Variants in EPHA7 observed in about 807,000 individuals in gnomAD.
EPHA7 encodes the protein ephrin type-A receptor 7.
EPHA7 carries 25 observed loss-of-function variants against 112.6 expected under a neutral mutation model. That is an observed-to-expected ratio of 0.22 (90% CI 0.16 to 0.31). The LOEUF (loss-of-function observed/expected upper bound fraction) is 0.31. Among genes scored for constraint, EPHA7 ranks in the 10% least tolerant of loss-of-function variants. EPHA7 has a pLI of 1.00. For synonymous variants in EPHA7, 437 were observed against 406.5 expected (o/e 1.07, Z -0.90); for missense variants, 962 against 1,212.6 (o/e 0.79, Z 3.07).
At chr6:93,300,708 T>A (rs534704879) in intron 5 of EPHA7, among the ~76,000 whole-genome samples, 1 of 152,332 alleles carries the variant, frequency 6.6e-6, no homozygotes, top group African/African-American at 2.4e-5. Flanking sequence ...ATATGTTAGA[T>A]AACATAAGGG....
Position 93,242,954 on chromosome 6 carries a change from AG to A in EPHA7, c.*471del, listed in dbSNP as rs1769748742. ...CAGATTTAACACTAAAAAGGTCCAA[AG>A]CTATAAACAGCTTTCTAAAACAAAG... On this transcript the variant is annotated 3_prime_UTR_variant, in exon 17 of 17. Transcript: ENST00000369303. 4.6e-6 allele frequency: 1 copy of A among 218,980 alleles called. No individual in the cohort carries two copies. Among genetic ancestry groups the A allele is most frequent in the East Asian group, 6.8e-5 (1 of 14,626 alleles). The allele number at this position is 218,980 out of a possible 1,614,324, so 13.6% of individuals were successfully genotyped here. A position where few individuals can be genotyped will look rare whatever the true frequency, so the allele number is the denominator to read the frequency against.
chr6:93,260,473 T>G lies in EPHA7; in HGVS notation c.1799-994A>C, dbSNP rs1160227323. On this transcript the variant is annotated intron_variant, in intron 9 of 16. Transcript: ENST00000369303. ...TATATTAATGCAATAAAAATTACAC[T>G]ATATCCTCAAAAAAACTTTATTGTT... 4 of 895,860 alleles carry G rather than the reference T, an allele frequency of 4.5e-6. No individual in the cohort carries two copies. The African/African-American group carries it at 7.2e-5, about 16-fold the overall frequency. The allele number at this position is 895,860 out of a possible 1,614,324, so 55.5% of individuals were successfully genotyped here.
At chr6:93,344,060 T>C (rs886813081) in intron 5 of EPHA7, among the ~76,000 whole-genome samples, 2 of 151,684 alleles carry the variant, frequency 1.3e-5, no homozygotes. Flanking sequence ...GGCAAGTACA[T>C]GATATGGGAC....
intron 5 of EPHA7, among the ~76,000 whole-genome samples, chr6:93,310,469 AGCCT>A (rs1481569521): frequency 6.6e-6 from 1 of 152,164 alleles, no homozygotes; most frequent in Non-Finnish European, 1.5e-5. Flanking sequence ...GTTCAAGACC[AGCCT>A]GGCCAAGATG....
rs115840717 is a variant in EPHA7, at chr6:93,368,292, T to C, written c.833-9881A>G. The stretch of plus-strand genomic sequence containing the variant: ...CTCCTATTTCAGAGGTGACTATAAA[T>C]TCTGAAGTCACCTTTCCTGCCAAAG... On this transcript the variant is annotated intron_variant, in intron 3 of 16. Coordinates refer to ENST00000369303, the MANE Select transcript of EPHA7 (RefSeq NM_004440.4). Among the ~76,000 whole-genome samples, 1,241 of 152,260 alleles carry C rather than the reference T, an allele frequency of 8.2e-3. 27 individuals carry two copies. Among genetic ancestry groups the C allele is most frequent in the African/African-American group, 0.028 (1,150 of 41,568 alleles).
chr6:93,414,561 T>C (rs1019958582), intron 2 of EPHA7, 142 bp downstream of exon 2: 10 of 691,612 alleles, frequency 1.4e-5, no homozygotes, highest in Non-Finnish European at 2.2e-5. Flanking sequence ...AATGTCTCAT[T>C]ATAAATGCAA....
chr6:93,337,594 A>G (rs548429323), intron 5 of EPHA7, among the ~76,000 whole-genome samples: 1 of 152,270 alleles, frequency 6.6e-6, no homozygotes, highest in African/African-American at 2.4e-5. Context: ...CATATTCAGT[A>G]GATAATTGAG....
At chr6:93,343,271 T>C (rs954862504) in intron 5 of EPHA7, among the ~76,000 whole-genome samples, 1 of 151,696 alleles carries the variant, frequency 6.6e-6, no homozygotes, top group South Asian at 2.1e-4. Context: ...ATTTAAATAA[T>C]AACTGCAGAT....
chr6:93,244,747 T>G (rs1769870244), intron 16 of EPHA7, among the ~76,000 whole-genome samples: 1 of 152,178 alleles, frequency 6.6e-6, no homozygotes, highest in African/African-American at 2.4e-5. Context: ...TAAGCTATGG[T>G]TAACTGAATT....
At chr6:93,368,812 T>C (rs916216000) in intron 3 of EPHA7, among the ~76,000 whole-genome samples, 1 of 152,168 alleles carries the variant, frequency 6.6e-6, no homozygotes, top group Middle Eastern at 3.2e-3. Context: ...TCGTTCTAGC[T>C]GTTTGGTGAA....
chr6:93,251,704 C>G (rs1433450233), intron 14 of EPHA7, among the ~76,000 whole-genome samples: 1 of 151,794 alleles, frequency 6.6e-6, no homozygotes, highest in East Asian at 1.9e-4. Context: ...ATATAAAATT[C>G]AGTTAAAAGA....
chr6:93,289,449 C>A (rs1772239802), intron 5 of EPHA7, among the ~76,000 whole-genome samples: 1 of 151,028 alleles, frequency 6.6e-6, no homozygotes, highest in Non-Finnish European at 1.5e-5. Flanking sequence ...GAAATCCCGT[C>A]TCTACTAAAA....
At chr6:93,287,898 A>G (rs1281774446) in intron 5 of EPHA7, among the ~76,000 whole-genome samples, 2 of 152,196 alleles carry the variant, frequency 1.3e-5, no homozygotes, top group Non-Finnish European at 1.5e-5. Flanking sequence ...TTGACACCCA[A>G]CTAGAATGAC....
intron 7 of EPHA7, 148 bp from the exon 8 acceptor site, chr6:93,264,850 T>C (rs1770855641): frequency 2.3e-6 from 1 of 431,478 alleles, no homozygotes; most frequent in East Asian, 3.8e-5. Flanking sequence ...TAAATAAATG[T>C]TTATTTCTGC....
chr6:93,271,635 G>C (rs1281078981), intron 6 of EPHA7, among the ~76,000 whole-genome samples: 1 of 151,780 alleles, frequency 6.6e-6, no homozygotes, highest in Non-Finnish European at 1.5e-5. Flanking sequence ...CATATACTCA[G>C]ATGTATCGCT....
chr6:93,284,362 G>A (rs570388213), intron 5 of EPHA7, among the ~76,000 whole-genome samples: 2 of 151,390 alleles, frequency 1.3e-5, no homozygotes, highest in African/African-American at 4.8e-5. Context: ...TCCTCAGAGT[G>A]ATGATCTGTA....
chr6:93,419,500 C>T lies in EPHA7; in HGVS notation c.-159G>A, dbSNP rs1562176895. ...CTCCACGTTTAGCTTTTTTTAATTT[C>T]CCCCCCACTCCTGTTCGCTCGCACC... On this transcript the variant is annotated 5_prime_UTR_variant, in exon 1 of 17. Coordinates refer to ENST00000369303, the MANE Select transcript of EPHA7 (RefSeq NM_004440.4). 1.7e-5 allele frequency: 10 copies of T among 593,622 alleles called. No individual in the cohort carries two copies. Among genetic ancestry groups the T allele is most frequent in the South Asian group, 1.3e-4 (6 of 46,340 alleles). 36.8% of individuals were successfully genotyped at this position (593,622 alleles called of 1,614,324 possible). A position where few individuals can be genotyped will look rare whatever the true frequency, so the allele number is the denominator to read the frequency against.
rs543404366 is a variant in EPHA7, at chr6:93,247,787, T to G, written c.2533-802A>C. Among the ~76,000 whole-genome samples the G allele has an allele frequency of 7.9e-5, 12 of 152,292 alleles. No individual in the cohort carries two copies. In the South Asian group the frequency reaches 2.5e-3, roughly 32 times the overall value. ...ATAGCATACCACTGCCTAATAGGCA[T>G]ATCTAATATTATATCCAATAGCCTA... is the stretch of plus-strand genomic sequence containing the variant. On this transcript the variant is annotated intron_variant, in intron 14 of 16. Transcript: ENST00000369303.
chr6:93,287,507 T>TC (rs1772127609), intron 5 of EPHA7, among the ~76,000 whole-genome samples: 1 of 151,820 alleles, frequency 6.6e-6, no homozygotes. Flanking sequence ...TTCTAGTTTT[T>TC]CTCCTGTCTG....
Sources: allele counts gnomAD v4.1 joint callset (sites outside exome capture counted in the v4.1 genomes callset), GRCh38; gene constraint gnomAD v4.1.1; transcripts MANE v1.5; gene names NCBI Gene and HGNC (gene_info 2026-07-23, HGNC 2026-07-21).